Variants in SLA2 observed in about 807,000 individuals in gnomAD.
The protein encoded by SLA2 is src-like-adapter 2.
Under a neutral mutation model 27.3 loss-of-function variants are expected in SLA2, and 22 were observed. The observed-to-expected ratio is 0.81, with a 90% CI of 0.58 to 1.15. SLA2 has a LOEUF of 1.15. Among genes scored for constraint, SLA2 ranks in the 50% most tolerant of loss-of-function variants. The pLI, the probability that SLA2 is intolerant of heterozygous loss-of-function variation, is 0.00. For synonymous variants in SLA2, 131 were observed against 137.8 expected (o/e 0.95, Z 0.34); for missense variants, 304 against 322.2 (o/e 0.94, Z 0.43).
chr20:36,626,398 A>G (rs1232741892), intron 5 of SLA2, among the ~76,000 whole-genome samples: 2 of 150,808 alleles, frequency 1.3e-5, no homozygotes, highest in Non-Finnish European at 3.0e-5. Context: ...CTAAAAAAAA[A>G]AAAACACACA....
chr20:36,639,832 G>T (rs2147996773), intron 2 of SLA2, among the ~76,000 whole-genome samples: 1 of 151,970 alleles, frequency 6.6e-6, no homozygotes, highest in Admixed American at 6.6e-5. Flanking sequence ...CTGCACTCCA[G>T]CCTTGGAGAC....
intron 5 of SLA2, among the ~76,000 whole-genome samples, chr20:36,625,731 G>T (rs1161418687): frequency 1.3e-5 from 2 of 151,906 alleles, no homozygotes; most frequent in Admixed American, 1.3e-4. Context: ...AGAAGCTGAG[G>T]TGGGAGGATC....
At position 36,632,865 on chromosome 20, in the gene SLA2, C is replaced by T. The variant is rs1041003756; in HGVS notation, c.279-167G>A. On this transcript the variant is annotated intron_variant, in intron 4 of 7. Transcript: ENST00000262866. ...GGGCTCAGGGTCTCCGAGGTCCATG[C>T]CATTTTTGTCCTCCCAGTCCTGGCT... 2.0e-5 allele frequency among the ~76,000 whole-genome samples: 3 copies of T among 152,090 alleles called. No homozygotes were observed. The East Asian group carries it at 5.8e-4, about 29-fold the overall frequency.
At position 36,613,802 on chromosome 20, in the gene SLA2, C is replaced by T; in HGVS notation, c.*64G>A. 1.3e-6 allele frequency: 2 copies of T among 1,529,818 alleles called. No individual in the cohort carries two copies. 94.8% of individuals were successfully genotyped at this position (1,529,818 alleles called of 1,614,324 possible). The stretch of plus-strand genomic sequence containing the variant: ...TGCACAGCCTTGCCTCTGGGGTGCC[C>T]AGGAGGCTGAATTGGGGTTCTAGGT... On this transcript the variant is annotated 3_prime_UTR_variant, in exon 8 of 8. Coordinates refer to ENST00000262866, the MANE Select transcript of SLA2 (RefSeq NM_032214.4).
chr20:36,617,768 A>G (rs2039231512), intron 5 of SLA2, among the ~76,000 whole-genome samples: 1 of 150,376 alleles, frequency 6.6e-6, no homozygotes, highest in African/African-American at 2.5e-5. Context: ...GAGGCAGGAG[A>G]CTCGCTTGAA....
In SLA2 at chr20:36,613,921, G is replaced by A. The variant is rs928251976; in HGVS notation, c.731C>T (p.Ser244Phe). The A allele has an allele frequency of 6.2e-7, 1 of 1,614,076 alleles. No individual in the cohort carries two copies. Among genetic ancestry groups the A allele is most frequent in the Non-Finnish European group, 8.5e-7 (1 of 1,179,994 alleles). ...ESLLSEGLRESLSFYISLNDE... is the reference protein window; with the variant it reads ...ESLLSEGLREFLSFYISLNDE... ...ATTCAGGCTGATGTAGAAGCTGAGG[G>A]ACTCCCGGAGACCCTCACTGAGAAG... Residue 244 changes from serine (S) to phenylalanine (F), a missense_variant, in exon 8 of 8, where the codon TCC (serine) becomes TTC (phenylalanine). Physicochemically the swap from Ser to Phe is radical, Grantham distance 155. Transcript: ENST00000262866.
chr20:36,633,218 C>T lies in SLA2; in HGVS notation c.278+325G>A, dbSNP rs555929784. Among the ~76,000 whole-genome samples the T allele has an allele frequency of 6.6e-5, 10 of 152,174 alleles. No individual in the cohort carries two copies. The South Asian group carries it at 1.5e-3, about 22-fold the overall frequency. ...TCCCTAGTAGCTGGGACTACAGGTG[C>T]GCACCACTGTGCCAGCCCCTCACGC... is the stretch of plus-strand genomic sequence containing the variant. On this transcript the variant is annotated intron_variant, in intron 4 of 7. Transcript: ENST00000262866.
intron 1 of SLA2, among the ~76,000 whole-genome samples, chr20:36,643,811 G>A (rs893237707): frequency 6.6e-6 from 1 of 152,170 alleles, no homozygotes; most frequent in Non-Finnish European, 1.5e-5. Context: ...AATGAGCCGG[G>A]TGTGGTGGTG....
chr20:36,632,210 A>C (rs2039399786), intron 5 of SLA2, among the ~76,000 whole-genome samples: 1 of 152,014 alleles, frequency 6.6e-6, no homozygotes, highest in Non-Finnish European at 1.5e-5. Flanking sequence ...GCTCACTTCT[A>C]ACCTCCTATT....
intron 5 of SLA2, among the ~76,000 whole-genome samples, chr20:36,623,659 T>A (rs1251773216): frequency 6.6e-6 from 1 of 152,138 alleles, no homozygotes; most frequent in Non-Finnish European, 1.5e-5. Context: ...ACCTTTATTT[T>A]TTTTTTCTTT....
intron 5 of SLA2, among the ~76,000 whole-genome samples, chr20:36,629,546 G>A (rs1189909014): frequency 6.6e-6 from 1 of 151,860 alleles, no homozygotes; most frequent in Non-Finnish European, 1.5e-5. Flanking sequence ...GGCCGAGGTG[G>A]GTGGATCATC....
Position 36,617,459 on chromosome 20 carries a change from G to A in SLA2, c.383-2085C>T, listed in dbSNP as rs547915014. 1.3e-4 allele frequency among the ~76,000 whole-genome samples: 20 copies of A among 149,504 alleles called. No individual in the cohort carries two copies. In the South Asian group the frequency reaches 1.9e-3, roughly 14 times the overall value. On this transcript the variant is annotated intron_variant, in intron 5 of 7. Transcript: ENST00000262866. ...TGAGGCAGGGGGATTGCTTGAGCCCGGGAGGTGAAGGTTGCGGTGAGCCAA... is the reference window on the plus strand; with the variant it reads ...TGAGGCAGGGGGATTGCTTGAGCCCAGGAGGTGAAGGTTGCGGTGAGCCAA...
intron 5 of SLA2, among the ~76,000 whole-genome samples, chr20:36,623,121 T>C (rs2039301549): frequency 6.6e-6 from 1 of 151,862 alleles, no homozygotes; most frequent in Admixed American, 6.6e-5. Flanking sequence ...ATAGAAAAAT[T>C]AGCTGGGCAT....
chr20:36,629,511 C>T (rs1014212078), intron 5 of SLA2, among the ~76,000 whole-genome samples: 4 of 150,004 alleles, frequency 2.7e-5, no homozygotes, highest in Non-Finnish European at 5.9e-5. Flanking sequence ...CAGTGCCTTA[C>T]TCCTGTAATC....
intron 5 of SLA2, among the ~76,000 whole-genome samples, chr20:36,626,142 C>G (rs1418299890): frequency 6.6e-6 from 1 of 152,010 alleles, no homozygotes; most frequent in Non-Finnish European, 1.5e-5. Context: ...GCCTGTAATC[C>G]CAGTACTTTA....
At chr20:36,614,198 C>G in intron 7 of SLA2, 107 bp downstream of exon 7, 2 of 1,574,510 alleles carry the variant, frequency 1.3e-6, no homozygotes, top group Non-Finnish European at 1.7e-6. Flanking sequence ...CTCCAGCTGC[C>G]AGGTGTCCCT....
At chr20:36,630,245 T>C (rs929373207) in intron 5 of SLA2, among the ~76,000 whole-genome samples, 2 of 152,080 alleles carry the variant, frequency 1.3e-5, no homozygotes, top group Non-Finnish European at 2.9e-5. Context: ...CCTATGGATG[T>C]ATGTGAGGTG....
intron 5 of SLA2, among the ~76,000 whole-genome samples, chr20:36,617,682 C>T (rs1937608658): frequency 6.6e-6 from 1 of 151,510 alleles, no homozygotes; most frequent in Non-Finnish European, 1.5e-5. Flanking sequence ...ACAGTGAAAC[C>T]CCATCTCTAC....
At chr20:36,643,862 G>T (rs951362866) in intron 1 of SLA2, among the ~76,000 whole-genome samples, 1 of 152,152 alleles carries the variant, frequency 6.6e-6, no homozygotes, top group Non-Finnish European at 1.5e-5. Flanking sequence ...CGAGGCAAAA[G>T]AATCACTTGA....
Sources: gnomAD v4.1 joint callset for allele counts (sites outside exome capture counted in the v4.1 genomes callset) on GRCh38, gnomAD v4.1.1 for gene constraint, MANE v1.5 for transcripts, NCBI Gene and HGNC (gene_info 2026-07-23, HGNC 2026-07-21) for gene names.